The following DENND4C variants were observed in gnomAD, a reference collection of about 807,000 sequenced individuals.
DENND4C encodes DENN domain containing 4C.
In DENND4C, 108 loss-of-function variants were observed where a neutral mutation model predicts 203.0. The observed-to-expected ratio is 0.53, with a 90% CI of 0.46 to 0.62. DENND4C has a LOEUF of 0.62. Ranked by LOEUF, DENND4C falls within the 20% of genes least tolerant of loss-of-function variation. The probability of loss-of-function intolerance (pLI) is 0.00; values close to 1 mark genes in which losing one functional copy is unlikely to be tolerated. For missense variants in DENND4C, 2,481 were observed against 2,301.2 expected, an observed-to-expected ratio of 1.08 and a Z score of -1.60; for synonymous variants, 871 against 792.4, an observed-to-expected ratio of 1.10 and a Z score of -1.67.
At chr9:19,328,479 G>A (rs751111425) in intron 16 of DENND4C, among the ~76,000 whole-genome samples, 6 of 152,022 alleles carry the variant, frequency 3.9e-5, no homozygotes, top group Non-Finnish European at 8.8e-5. Flanking sequence ...TGGGCGTGGT[G>A]TCAGGCGCCT....
At chr9:19,321,847 A>G (rs1842936916) in intron 12 of DENND4C, among the ~76,000 whole-genome samples, 1 of 151,806 alleles carries the variant, frequency 6.6e-6, no homozygotes, top group African/African-American at 2.4e-5. Context: ...AAAAAAAAAA[A>G]AAAGAGAAAT....
chr9:19,235,998 CT>C (rs529627672), intron 1 of DENND4C, among the ~76,000 whole-genome samples: 8 of 145,616 alleles, frequency 5.5e-5, no homozygotes, highest in East Asian at 2.0e-4. Context: ...GTTTTTATTT[CT>C]TTTTTTTTTC....
At chr9:19,304,620 T>G (rs1839284000) in intron 9 of DENND4C, among the ~76,000 whole-genome samples, 1 of 150,802 alleles carries the variant, frequency 6.6e-6, no homozygotes, top group African/African-American at 2.4e-5. Flanking sequence ...CACTGCAAGC[T>G]CCACCTCCCA....
At chr9:19,269,405 C>A (rs564235109) in intron 1 of DENND4C, among the ~76,000 whole-genome samples, 1 of 152,114 alleles carries the variant, frequency 6.6e-6, no homozygotes, top group African/African-American at 2.4e-5. Flanking sequence ...GTGATCTGCC[C>A]GTCTCGGCCT....
chr9:19,268,715 G>A (rs1391254646), intron 1 of DENND4C, among the ~76,000 whole-genome samples: 1 of 151,150 alleles, frequency 6.6e-6, no homozygotes, highest in African/African-American at 2.4e-5. Flanking sequence ...TGAAAATACA[G>A]GATAAAAGTT....
At chr9:19,246,228 G>T (rs779728705) in intron 1 of DENND4C, among the ~76,000 whole-genome samples, 1 of 151,186 alleles carries the variant, frequency 6.6e-6, no homozygotes, top group South Asian at 2.1e-4. Flanking sequence ...ATTACACTCA[G>T]TTCTTTGTCA....
intron 1 of DENND4C, among the ~76,000 whole-genome samples, chr9:19,260,467 G>A (rs947439340): frequency 6.6e-6 from 1 of 151,846 alleles, no homozygotes; most frequent in Non-Finnish European, 1.5e-5. Context: ...GCATGATCTC[G>A]GCTTACTGCA....
At chr9:19,337,042 A>G (rs577573567) in intron 20 of DENND4C, among the ~76,000 whole-genome samples, 2 of 152,350 alleles carry the variant, frequency 1.3e-5, no homozygotes, top group East Asian at 3.9e-4. Flanking sequence ...ACAGTGCTCT[A>G]GCATGATGCT....
At chr9:19,307,195 T>G (rs564702096) in intron 10 of DENND4C, among the ~76,000 whole-genome samples, 1 of 151,716 alleles carries the variant, frequency 6.6e-6, no homozygotes, top group Non-Finnish European at 1.5e-5. Context: ...CCCAGGAGTT[T>G]AAGGCCAGCC....
intron 1 of DENND4C, among the ~76,000 whole-genome samples, chr9:19,235,075 C>G (rs1013091270): frequency 1.3e-4 from 19 of 151,902 alleles, no homozygotes; most frequent in African/African-American, 4.6e-4. Flanking sequence ...GCAATTCTCC[C>G]TGCCTCAGGG....
intron 1 of DENND4C, among the ~76,000 whole-genome samples, chr9:19,260,743 T>C (rs150860750): frequency 1.3e-5 from 2 of 152,180 alleles, no homozygotes; most frequent in African/African-American, 4.8e-5. Context: ...TTTGCAAATA[T>C]TTTCTCCCAT....
rs1189803818 is a variant in DENND4C at position 19,318,508 on chromosome 9, A to G, written c.1807+1669A>G. ...TTCATGGTAATAACAAAATGGAAAT[A>G]GCCTCAAGAGGAAAAGCACAAGGTC... On this transcript the variant is annotated intron_variant, in intron 12 of 32. Coordinates refer to ENST00000434457, the MANE Select transcript of DENND4C (RefSeq NM_001330640.2). Among the ~76,000 whole-genome samples the G allele has an allele frequency of 7.9e-5, 12 of 152,340 alleles. No individual in the cohort carries two copies. The East Asian group carries it at 2.3e-3, about 29-fold the overall frequency.
chr9:19,339,288 C>T (rs1323944683), intron 20 of DENND4C, among the ~76,000 whole-genome samples: 1 of 152,106 alleles, frequency 6.6e-6, no homozygotes, highest in Non-Finnish European at 1.5e-5. Context: ...ATTTATATTC[C>T]AAGTTTGTCA....
intron 12 of DENND4C, among the ~76,000 whole-genome samples, chr9:19,321,263 C>G (rs1049071092): frequency 3.3e-5 from 5 of 152,118 alleles, no homozygotes; most frequent in African/African-American, 9.6e-5. Flanking sequence ...TTAGAGGTGA[C>G]CTGGATTAAT....
In DENND4C at chr9:19,347,163, G is replaced by T. The variant is rs1288139896; in HGVS notation, c.4317+77G>T. 1.2e-5 allele frequency: 16 copies of T among 1,380,102 alleles called. 1 individual carries two copies. The Middle Eastern group carries it at 5.9e-4, about 51-fold the overall frequency. The allele number at this position is 1,380,102 out of a possible 1,614,324, so 85.5% of individuals were successfully genotyped here. On this transcript the variant is annotated intron_variant, in intron 23 of 32. Transcript: ENST00000434457. ...TCTTTCTAGAAATATATGTATTCTT[G>T]TTCAGAGATTTCTGTGCCCAGGCTG...
chr9:19,302,602 A>C (rs1838809646), intron 9 of DENND4C, among the ~76,000 whole-genome samples: 1 of 152,260 alleles, frequency 6.6e-6, no homozygotes, highest in South Asian at 2.1e-4. Flanking sequence ...TTTGTGAGTG[A>C]TAGTTGCAGG....
At chr9:19,283,757 G>C (rs1320084900) in intron 2 of DENND4C, among the ~76,000 whole-genome samples, 2 of 151,032 alleles carry the variant, frequency 1.3e-5, no homozygotes, top group African/African-American at 4.9e-5. Flanking sequence ...CACCATGCCA[G>C]GCTAATTTTT....
chr9:19,352,687 T>C (rs766456735), intron 26 of DENND4C, 22 bp downstream of exon 26: 1 of 1,536,522 alleles, frequency 6.5e-7, no homozygotes, highest in Non-Finnish European at 8.8e-7. Flanking sequence ...AAAAGCTCTC[T>C]CAAGAAGTAA....
intron 7 of DENND4C, among the ~76,000 whole-genome samples, chr9:19,299,010 C>T (rs539928872): frequency 1.6e-4 from 25 of 152,090 alleles, no homozygotes; most frequent in African/African-American, 4.6e-4. Flanking sequence ...GTCAAATTAA[C>T]CATTTAATGA....
Sources: allele counts gnomAD v4.1 joint callset (sites outside exome capture counted in the v4.1 genomes callset), GRCh38; gene constraint gnomAD v4.1.1; transcripts MANE v1.5; gene names NCBI Gene and HGNC (gene_info 2026-07-23, HGNC 2026-07-21).